Variants in SEC24A observed in about 807,000 individuals in gnomAD.
SEC24A encodes the protein SEC24 homolog A, COPII component, also known as protein transport protein Sec24A.
In SEC24A, 93 loss-of-function variants were observed where a neutral mutation model predicts 129.4. The ratio of observed to expected loss-of-function variants is 0.72; its 90% CI spans 0.61 to 0.85. The LOEUF (loss-of-function observed/expected upper bound fraction) is 0.85, where lower values mean the gene tolerates loss of function less well. SEC24A is among the 40% of genes least tolerant of loss of function. The pLI is 0.00. For missense variants in SEC24A, 1,264 were observed against 1,307.4 expected (o/e 0.97, Z 0.51); for synonymous variants, 460 against 467.3 (o/e 0.98, Z 0.20).
At chr5:134,657,242 G>A (rs985562733) in intron 1 of SEC24A, among the ~76,000 whole-genome samples, 1 of 148,878 alleles carries the variant, frequency 6.7e-6, no homozygotes, top group African/African-American at 2.5e-5. Flanking sequence ...GTAGAGATAG[G>A]GACTTGCTAT....
intron 1 of SEC24A, among the ~76,000 whole-genome samples, chr5:134,659,622 A>G (rs1295042140): frequency 6.6e-6 from 1 of 151,050 alleles, no homozygotes; most frequent in Non-Finnish European, 1.5e-5. Flanking sequence ...TCTTCCTGCC[A>G]GTTGGCCTTA....
intron 1 of SEC24A, among the ~76,000 whole-genome samples, chr5:134,650,570 T>C (rs1750013441): frequency 6.6e-6 from 1 of 151,832 alleles, no homozygotes; most frequent in Admixed American, 6.6e-5. Flanking sequence ...AGTCTTGTTC[T>C]GTTGCCCAGG....
chr5:134,709,931 G>C (rs1752271081), intron 18 of SEC24A, among the ~76,000 whole-genome samples: 1 of 151,862 alleles, frequency 6.6e-6, no homozygotes, highest in Non-Finnish European at 1.5e-5. Context: ...ACAGAGTCTT[G>C]CTCTGTCACC....
At chr5:134,670,744 C>T (rs1316988460) in intron 3 of SEC24A, among the ~76,000 whole-genome samples, 1 of 152,168 alleles carries the variant, frequency 6.6e-6, no homozygotes. Flanking sequence ...AATCCCAGCA[C>T]TTTGGGAGGC....
Position 134,708,771 on chromosome 5 carries a change from A to T in SEC24A, c.2610A>T (p.Ala870=). Residue 870 remains alanine (A), a synonymous_variant, in exon 18 of 23, where the codon GCA becomes GCT. Transcript: ENST00000398844. ...ACGCTCGGGATGCTCTAGTGAATGC[A>T]GTCATTGACTCCCTTTCAGCTTACC... ...LSDARDALVN[A]VIDSLSAYRS... is the part of the protein sequence containing the mutation. 6.2e-7 allele frequency: 1 copy of T among 1,614,120 alleles called. No homozygotes were observed. Among genetic ancestry groups the T allele is most frequent in the East Asian group, 2.2e-5 (1 of 44,882 alleles).
chr5:134,670,052 G>C (rs1401009417), intron 3 of SEC24A, among the ~76,000 whole-genome samples: 1 of 152,108 alleles, frequency 6.6e-6, no homozygotes, highest in Non-Finnish European at 1.5e-5. Context: ...TCAGTCTCCT[G>C]AGTAGCTGAG....
intron 18 of SEC24A, among the ~76,000 whole-genome samples, chr5:134,709,357 AAGTTTAAT>A: frequency 6.6e-6 from 1 of 152,208 alleles, no homozygotes; most frequent in East Asian, 1.9e-4. Context: ...GAACTTTGAA[AAGTTTAAT>A]AACCAAAGAA....
In SEC24A at chr5:134,666,981, G is replaced by T; in HGVS notation, c.724G>T (p.Ala242Ser). 1 of 1,567,104 alleles carries T rather than the reference G, an allele frequency of 6.4e-7. No individual in the cohort carries two copies. The highest frequency in any genetic ancestry group is 8.6e-7 in the Non-Finnish European group (1 of 1,162,560). ...RDVPQPLFNS[A>S]VNQEGITSNT... The stretch of plus-strand genomic sequence containing the variant: ...TGTACCCCAGCCCTTATTTAATTCA[G>T]CTGTCAACCAAGAAGGTAAGTGAAC... The change falls in exon 3 of 23, where the codon GCT becomes TCT. Residue 242 changes from alanine (A) to serine (S), a missense_variant. By Grantham distance (99) the Ala-to-Ser change is moderately conservative. Transcript: ENST00000398844.
chr5:134,703,915 T>A lies in SEC24A; in HGVS notation c.2423T>A (p.Leu808Ter). The A allele has an allele frequency of 6.3e-7, 1 of 1,581,306 alleles. No individual in the cohort carries two copies. The highest frequency in any genetic ancestry group is 8.6e-7 in the Non-Finnish European group (1 of 1,158,788). ...TQLVSFQSAL[L>*]YTSSKGERRI... is the part of the protein sequence containing the mutation. ...TTGGTTTCTTTTCAGTCAGCACTCTTGTATACATCCAGCAAAGGTAAATTG... is the reference window on the plus strand; with the variant it reads ...TTGGTTTCTTTTCAGTCAGCACTCTAGTATACATCCAGCAAAGGTAAATTG... The change falls in exon 16 of 23, where the codon TTG becomes TAG. Residue 808 changes from leucine to a stop codon, truncating the protein, a stop_gained. Transcript: ENST00000398844. LOFTEE classifies it high-confidence loss of function.
At position 134,649,116 on chromosome 5, in the gene SEC24A, G is replaced by T. The variant is rs765851094; in HGVS notation, c.40G>T (p.Ala14Ser). The T allele has an allele frequency of 8.4e-5, 135 of 1,610,102 alleles. No individual in the cohort carries two copies. ...PGIPASGGAP[A>S]SLQAQNGAAL... Reference sequence around the variant, plus strand: ...AATACCGGCCTCCGGCGGCGCCCCAGCCAGCCTCCAGGCCCAGAACGGAGC... The same window carrying T: ...AATACCGGCCTCCGGCGGCGCCCCATCCAGCCTCCAGGCCCAGAACGGAGC... Residue 14 changes from alanine to serine, a missense_variant, in exon 1 of 23, where the codon GCC becomes TCC. By Grantham distance (99) the Ala-to-Ser change is moderately conservative. Transcript: ENST00000398844.
chr5:134,704,027 A>G, intron 16 of SEC24A, 95 bp downstream of exon 16: 1 of 659,884 alleles, frequency 1.5e-6, no homozygotes, highest in East Asian at 2.7e-5. Context: ...AGCATATCTT[A>G]TGTGTGCTAA....
At chr5:134,680,864 C>T (rs1751241236) in intron 8 of SEC24A, among the ~76,000 whole-genome samples, 1 of 152,102 alleles carries the variant, frequency 6.6e-6, no homozygotes, top group South Asian at 2.1e-4. Flanking sequence ...CTTTGGGAGG[C>T]CGAGGCGGTG....
At chr5:134,656,600 G>A (rs1410884009) in intron 1 of SEC24A, among the ~76,000 whole-genome samples, 1 of 151,886 alleles carries the variant, frequency 6.6e-6, no homozygotes, top group Non-Finnish European at 1.5e-5. Flanking sequence ...TCCTGCCTCA[G>A]CCTCTGAGTA....
At chr5:134,722,616 G>A (rs1401529729) in intron 21 of SEC24A, among the ~76,000 whole-genome samples, 1 of 152,028 alleles carries the variant, frequency 6.6e-6, no homozygotes, top group Non-Finnish European at 1.5e-5. Flanking sequence ...CAATGGCAAA[G>A]TTAAGTAGTT....
chr5:134,674,565 T>C, intron 4 of SEC24A, 50 bp from the exon 5 acceptor site: 1 of 1,513,698 alleles, frequency 6.6e-7, no homozygotes. Context: ...AATAAATAAA[T>C]CAAGTATTCT....
At chr5:134,704,981 G>T (rs1278161323) in intron 16 of SEC24A, among the ~76,000 whole-genome samples, 1 of 150,384 alleles carries the variant, frequency 6.6e-6, no homozygotes, top group African/African-American at 2.4e-5. Flanking sequence ...ACTGTGTCTG[G>T]CCAGTATAAA....
Position 134,703,769 on chromosome 5 carries a change from T to G in SEC24A, c.2277T>G (p.Ile759Met), listed in dbSNP as rs1251375091. ...MRIRCTKGLS[I>M]HTFHGNFFVR... is the part of the protein sequence containing the mutation. ...CTTTTTCTCTTCTAGGTCTTTCCATTCATACTTTCCATGGAAACTTCTTTG... is the reference window on the plus strand; with the variant it reads ...CTTTTTCTCTTCTAGGTCTTTCCATGCATACTTTCCATGGAAACTTCTTTG... Residue 759 changes from isoleucine to methionine, a missense_variant, in exon 16 of 23, where the codon ATT (isoleucine) becomes ATG (methionine). Transcript: ENST00000398844. 6.2e-7 allele frequency: 1 copy of G among 1,609,148 alleles called. No homozygotes were observed. Among genetic ancestry groups the G allele is most frequent in the Non-Finnish European group, 8.5e-7 (1 of 1,175,672 alleles).
intron 11 of SEC24A, among the ~76,000 whole-genome samples, chr5:134,691,210 C>A (rs1751638180): frequency 6.7e-6 from 1 of 148,640 alleles, no homozygotes. Context: ...TGCTCTGTCA[C>A]CCAGGCTGGA....
intron 18 of SEC24A, among the ~76,000 whole-genome samples, chr5:134,710,787 T>C (rs776666943): frequency 1.3e-5 from 2 of 152,170 alleles, no homozygotes; most frequent in Non-Finnish European, 2.9e-5. Context: ...GTGTCCAAAA[T>C]TGAATGTCCA....
Sources: allele counts gnomAD v4.1 joint callset (sites outside exome capture counted in the v4.1 genomes callset), GRCh38; gene constraint gnomAD v4.1.1; transcripts MANE v1.5; gene names NCBI Gene and HGNC (gene_info 2026-07-23, HGNC 2026-07-21).